The following PDPN variants were observed in gnomAD, a reference collection of about 807,000 sequenced individuals.
PDPN encodes the protein PA2.26 antigen.
PDPN carries 12 observed loss-of-function variants against 23.2 expected under a neutral mutation model. That is an observed-to-expected ratio of 0.52 (90% CI 0.33 to 0.84). The LOEUF is 0.84. Ranked by LOEUF, PDPN falls within the 40% of genes least tolerant of loss-of-function variation. PDPN has a pLI of 0.02. For synonymous variants in PDPN, 77 were observed against 76.7 expected (o/e 1.00, Z -0.02); for missense variants, 199 against 212.2 (o/e 0.94, Z 0.39).
Position 13,592,815 on chromosome 1 carries a change from G to T in PDPN, c.67+8715G>T, listed in dbSNP as rs565827450. On this transcript the variant is annotated intron_variant, in intron 1 of 5. Transcript: ENST00000621990. ...TTCGTCCGCCTCTGCCTCCCAAAGT[G>T]CTGGGATTACAGGCGTGAGCCACCG... 6.6e-5 allele frequency among the ~76,000 whole-genome samples: 10 copies of T among 152,264 alleles called. No homozygotes were observed. The East Asian group carries it at 1.9e-3, about 29-fold the overall frequency.
chr1:13,610,724 A>C (rs1640911637), intron 3 of PDPN, among the ~76,000 whole-genome samples: 1 of 152,216 alleles, frequency 6.6e-6, no homozygotes, highest in Non-Finnish European at 1.5e-5. Flanking sequence ...CTCTACCTAG[A>C]ATAACTAGTG....
rs548080981 is a variant in PDPN at position 13,611,427 on chromosome 1, A to G, written c.331+911A>G. On this transcript the variant is annotated intron_variant, in intron 3 of 5. Transcript: ENST00000621990. ...AAATGAAAATGCAGACACATAATAC[A>G]ACATGGAGGAAACTTAAGGACATTA... Among the ~76,000 whole-genome samples, 75 of 152,330 alleles carry G rather than the reference A, an allele frequency of 4.9e-4. 1 individual carries two copies. The highest frequency in any genetic ancestry group is 3.4e-3 in the Middle Eastern group (1 of 294).
At chr1:13,591,166 T>C (rs1249737719) in intron 1 of PDPN, among the ~76,000 whole-genome samples, 1 of 152,038 alleles carries the variant, frequency 6.6e-6, no homozygotes, top group South Asian at 2.1e-4. Context: ...GGTCTCGAAC[T>C]CCTGACCTCG....
chr1:13,614,232 G>A (rs1443454278), intron 4 of PDPN, 68 bp from the exon 5 acceptor site: 6 of 806,430 alleles, frequency 7.4e-6, no homozygotes, highest in Non-Finnish European at 1.3e-5. Flanking sequence ...TTGTTTATAT[G>A]TTACATATTT....
At chr1:13,609,228 C>T (rs566121143) in intron 2 of PDPN, among the ~76,000 whole-genome samples, 1 of 152,290 alleles carries the variant, frequency 6.6e-6, no homozygotes, top group East Asian at 1.9e-4. Flanking sequence ...CTAGTCTAGA[C>T]AAGGCTAGCT....
chr1:13,595,017 GAAA>G (rs148184405), intron 1 of PDPN, among the ~76,000 whole-genome samples: 1 of 142,806 alleles, frequency 7.0e-6, no homozygotes, highest in Non-Finnish European at 1.5e-5. Context: ...AAGAAAGAAA[GAAA>G]AAAAAAACGA....
Position 13,607,160 on chromosome 1 carries a change from C to T in PDPN, c.68-13C>T. The T allele has an allele frequency of 6.2e-7, 1 of 1,612,384 alleles. No homozygotes were observed. Among genetic ancestry groups the T allele is most frequent in the Non-Finnish European group, 8.5e-7 (1 of 1,179,284 alleles). On this transcript the variant is annotated splice_polypyrimidine_tract_variant and intron_variant, in intron 1 of 5. Coordinates refer to ENST00000621990, the MANE Select transcript of PDPN (RefSeq NM_006474.5). ...TTTCCACCTTAAGCTCTGACTCAATCTTTCTTCTTCAGCCAGCACAGGCCA... is the reference window on the plus strand; with the variant it reads ...TTTCCACCTTAAGCTCTGACTCAATTTTTCTTCTTCAGCCAGCACAGGCCA...
chr1:13,602,830 AG>A (rs1204302956), intron 1 of PDPN, among the ~76,000 whole-genome samples: 1 of 152,016 alleles, frequency 6.6e-6, no homozygotes, highest in Non-Finnish European at 1.5e-5. Flanking sequence ...AGCCTCCGAA[AG>A]TGCTGGGATT....
chr1:13,591,468 C>T (rs1046605682), intron 1 of PDPN, among the ~76,000 whole-genome samples: 4 of 152,172 alleles, frequency 2.6e-5, no homozygotes, highest in Admixed American at 6.5e-5. Flanking sequence ...ATTTTCATCA[C>T]GCCCCTTCCC....
chr1:13,586,763 T>TAAAA (rs34131450), intron 1 of PDPN, among the ~76,000 whole-genome samples: 7 of 125,448 alleles, frequency 5.6e-5, no homozygotes, highest in African/African-American at 9.0e-5. Context: ...ACTCTGCCAT[T>TAAAA]AAAAAAAAAA....
chr1:13,610,544 G>A, intron 3 of PDPN, 28 bp downstream of exon 3: 1 of 1,605,870 alleles, frequency 6.2e-7, no homozygotes, highest in Non-Finnish European at 8.5e-7. Context: ...CTCCATGGGG[G>A]CTGATCTACT....
intron 1 of PDPN, chr1:13,584,390 C>G: frequency 7.7e-7 from 1 of 1,306,450 alleles, no homozygotes; most frequent in South Asian, 1.5e-5. Flanking sequence ...CCAGAGAGAT[C>G]GGGTGGAAGG....
At chr1:13,598,258 C>CT (rs1321791165) in intron 1 of PDPN, among the ~76,000 whole-genome samples, 1 of 152,080 alleles carries the variant, frequency 6.6e-6, no homozygotes, top group Non-Finnish European at 1.5e-5. Flanking sequence ...CTCAGGTGAT[C>CT]TGCCCTCCTC....
chr1:13,603,516 T>G (rs1426069483), intron 1 of PDPN, among the ~76,000 whole-genome samples: 1 of 152,092 alleles, frequency 6.6e-6, no homozygotes. Context: ...TTATTTGTTC[T>G]CAAAAATTAA....
At chr1:13,585,941 G>A (rs2100586942) in intron 1 of PDPN, among the ~76,000 whole-genome samples, 1 of 152,236 alleles carries the variant, frequency 6.6e-6, no homozygotes, top group Non-Finnish European at 1.5e-5. Flanking sequence ...GCCCTACTGG[G>A]TTTCCCTCCT....
intron 1 of PDPN, among the ~76,000 whole-genome samples, chr1:13,606,712 T>C (rs936257307): frequency 2.6e-5 from 4 of 151,944 alleles, no homozygotes; most frequent in Non-Finnish European, 5.9e-5. Context: ...AATAAAAAAA[T>C]AAAAAGATGG....
chr1:13,590,251 T>C (rs1274993889), intron 1 of PDPN, among the ~76,000 whole-genome samples: 1 of 152,260 alleles, frequency 6.6e-6, no homozygotes, highest in African/African-American at 2.4e-5. Flanking sequence ...ATGCTGTCCC[T>C]GTCCCCTTAA....
intron 1 of PDPN, among the ~76,000 whole-genome samples, chr1:13,588,774 G>A (rs1640253301): frequency 1.4e-5 from 2 of 145,790 alleles, no homozygotes; most frequent in South Asian, 2.1e-4. Flanking sequence ...GACCTCCCAG[G>A]CTCAAGCGAT....
intron 1 of PDPN, among the ~76,000 whole-genome samples, chr1:13,591,219 C>T (rs1162939385): frequency 3.9e-5 from 6 of 152,084 alleles, no homozygotes; most frequent in African/African-American, 1.2e-4. Flanking sequence ...GGATTACAGG[C>T]GTGAGCCACC....
Sources: allele counts gnomAD v4.1 joint callset (sites outside exome capture counted in the v4.1 genomes callset), GRCh38; gene constraint gnomAD v4.1.1; transcripts MANE v1.5; gene names NCBI Gene and HGNC (gene_info 2026-07-23, HGNC 2026-07-21).